The following EFCAB8 variants were observed in gnomAD, a reference collection of about 807,000 sequenced individuals.
EFCAB8 encodes EF-hand calcium binding domain 8.
In EFCAB8, 100 loss-of-function variants were observed where a neutral mutation model predicts 116.3. The observed-to-expected ratio is 0.86, with a 90% CI of 0.73 to 1.02. EFCAB8 has a LOEUF of 1.02. Among genes scored for constraint, EFCAB8 ranks in the 50% least tolerant of loss-of-function variants. The pLI is 0.00. For synonymous variants in EFCAB8, 558 were observed against 567.9 expected (o/e 0.98, Z 0.25); for missense variants, 1,320 against 1,416.9 (o/e 0.93, Z 1.10).
At chr20:32,895,334 T>C (rs1413382426) in intron 9 of EFCAB8, among the ~76,000 whole-genome samples, 1 of 124,364 alleles carries the variant, frequency 8.0e-6, no homozygotes, top group Non-Finnish European at 1.9e-5. Context: ...TTTTTTTTTT[T>C]TACATTTTGA....
chr20:32,947,599 C>A (rs181785663), intron 23 of EFCAB8, among the ~76,000 whole-genome samples: 2 of 151,942 alleles, frequency 1.3e-5, no homozygotes, highest in Non-Finnish European at 2.9e-5. Context: ...TTCTAAATAA[C>A]CCATGGGCCA....
intron 14 of EFCAB8, 130 bp from the exon 15 acceptor site, chr20:32,909,691 C>T: frequency 2.3e-6 from 1 of 425,728 alleles, no homozygotes; most frequent in Non-Finnish European, 4.1e-6. Flanking sequence ...TGGAGTCTTG[C>T]TGGAATCAGG....
chr20:32,935,192 C>CTTTCTTTT (rs1988064158), intron 22 of EFCAB8, among the ~76,000 whole-genome samples: 1 of 34,038 alleles, frequency 2.9e-5, no homozygotes, highest in African/African-American at 1.8e-4. Context: ...TTCTTTCTTT[C>CTTTCTTTT]TTTTTTTTTT....
chr20:32,914,082 G>T (rs1225292617), intron 17 of EFCAB8, among the ~76,000 whole-genome samples: 1 of 152,268 alleles, frequency 6.6e-6, no homozygotes, highest in Non-Finnish European at 1.5e-5. Context: ...CAAGGCTGTG[G>T]CTCTGCTGGG....
chr20:32,955,496 C>T (rs370838570), intron 23 of EFCAB8, among the ~76,000 whole-genome samples: 11 of 152,092 alleles, frequency 7.2e-5, no homozygotes, highest in African/African-American at 1.2e-4. Context: ...GTTAAGACTG[C>T]GCTGCTGTAC....
At chr20:32,917,184 C>CT (rs1407791311) in intron 17 of EFCAB8, 117 bp from the exon 18 acceptor site, 1 of 784,092 alleles carries the variant, frequency 1.3e-6, no homozygotes, top group Non-Finnish European at 2.1e-6. Flanking sequence ...GCTCCGACAC[C>CT]TGAGAGTATC....
At chr20:32,914,654 G>T (rs1987098995) in intron 17 of EFCAB8, among the ~76,000 whole-genome samples, 1 of 152,150 alleles carries the variant, frequency 6.6e-6, no homozygotes, top group Non-Finnish European at 1.5e-5. Context: ...GAGTGCAAGG[G>T]AAACTGCCAC....
intron 9 of EFCAB8, among the ~76,000 whole-genome samples, chr20:32,893,851 A>G (rs1986034100): frequency 6.6e-6 from 1 of 152,026 alleles, no homozygotes; most frequent in Admixed American, 6.5e-5. Context: ...ATCCGCCCCT[A>G]CTGTCAGGAG....
At chr20:32,934,450 A>C (rs1328219649) in intron 22 of EFCAB8, among the ~76,000 whole-genome samples, 3 of 152,252 alleles carry the variant, frequency 2.0e-5, no homozygotes, top group Non-Finnish European at 4.4e-5. Flanking sequence ...TTGATATGAC[A>C]TATTGATCTC....
At chr20:32,886,252 G>A (rs570153161) in intron 6 of EFCAB8, among the ~76,000 whole-genome samples, 85 of 152,330 alleles carry the variant, frequency 5.6e-4, no homozygotes, top group African/African-American at 1.9e-3. Flanking sequence ...TAATACATGT[G>A]TAGTGCTTGG....
At chr20:32,902,164 G>A (rs537262429) in intron 11 of EFCAB8, among the ~76,000 whole-genome samples, 2 of 152,210 alleles carry the variant, frequency 1.3e-5, no homozygotes, top group East Asian at 3.9e-4. Context: ...ATATAAGCAC[G>A]GTTCTGGGAT....
Position 32,889,326 on chromosome 20 carries a change from A to G in EFCAB8, c.593A>G (p.Asn198Ser). The G allele has an allele frequency of 6.4e-7, 1 of 1,551,720 alleles. No individual in the cohort carries two copies. The highest frequency in any genetic ancestry group is 1.2e-5 in the South Asian group (1 of 84,044). The change falls in exon 7 of 27, where the codon AAC (asparagine) becomes AGC (serine). Residue 198 changes from asparagine (N) to serine (S), a missense_variant. Coordinates refer to ENST00000400522, the MANE Select transcript of EFCAB8 (RefSeq NM_001143967.2). Reference sequence around the variant, plus strand: ...CTTAACCAGACCCAGCAGCTCTACAACCAGCCGATGTGGGTCATTGACATG... The same window carrying G: ...CTTAACCAGACCCAGCAGCTCTACAGCCAGCCGATGTGGGTCATTGACATG... The part of the protein sequence containing the change: ...FRLNQTQQLY[N>S]QPMWVIDMVC...
chr20:32,902,823 G>A (rs1319574524), intron 11 of EFCAB8, among the ~76,000 whole-genome samples: 1 of 152,190 alleles, frequency 6.6e-6, no homozygotes, highest in Non-Finnish European at 1.5e-5. Flanking sequence ...CTTCCTTGCA[G>A]CCAGCCTCAC....
intron 22 of EFCAB8, among the ~76,000 whole-genome samples, chr20:32,936,793 G>A (rs1269192610): frequency 1.3e-5 from 2 of 152,094 alleles, no homozygotes; most frequent in Admixed American, 6.5e-5. Flanking sequence ...TGGCTAGCCA[G>A]GGTCTTTTAT....
chr20:32,939,460 T>C (rs1471331498), intron 22 of EFCAB8, among the ~76,000 whole-genome samples: 1 of 145,732 alleles, frequency 6.9e-6, no homozygotes. Flanking sequence ...TTTTTTTGTA[T>C]TTTTAGTAGA....
At chr20:32,920,657 C>A (rs957324462) in intron 20 of EFCAB8, among the ~76,000 whole-genome samples, 3 of 152,124 alleles carry the variant, frequency 2.0e-5, no homozygotes, top group Non-Finnish European at 4.4e-5. Context: ...AGGACCAGCC[C>A]CCATGATTCA....
At chr20:32,897,308 G>C (rs73904071) in intron 10 of EFCAB8, among the ~76,000 whole-genome samples, 9 of 152,014 alleles carry the variant, frequency 5.9e-5, no homozygotes, top group Non-Finnish European at 8.8e-5. Flanking sequence ...CAGCGGCTTC[G>C]TGCTCTCGGT....
chr20:32,913,862 T>C (rs2146250257), intron 17 of EFCAB8, among the ~76,000 whole-genome samples: 1 of 152,376 alleles, frequency 6.6e-6, no homozygotes, highest in East Asian at 1.9e-4. Flanking sequence ...AAGATAATCC[T>C]CTTTGGCTTG....
chr20:32,905,874 C>T lies in EFCAB8; in HGVS notation c.1089-688C>T, dbSNP rs148322444. ...GAAGGCTAGGGGAAGGCAAGCGTGG[C>T]CCTCCTGCTGCTTCTGCTGTTGTCT... On this transcript the variant is annotated intron_variant, in intron 11 of 26. Transcript: ENST00000400522. Among the ~76,000 whole-genome samples, 29 of 152,110 alleles carry T rather than the reference C, an allele frequency of 1.9e-4. No homozygotes were observed. In the Middle Eastern group the frequency reaches 0.014, roughly 71 times the overall value.
Sources: allele counts gnomAD v4.1 joint callset (sites outside exome capture counted in the v4.1 genomes callset), GRCh38; gene constraint gnomAD v4.1.1; transcripts MANE v1.5; gene names NCBI Gene and HGNC (gene_info 2026-07-23, HGNC 2026-07-21).